The following CSNK1G3 variants were observed in gnomAD, a reference collection of about 807,000 sequenced individuals.
The protein encoded by CSNK1G3 is casein kinase 1 gamma 3.
Under a neutral mutation model 64.3 loss-of-function variants are expected in CSNK1G3, and 23 were observed. The ratio of observed to expected loss-of-function variants is 0.36; its 90% CI spans 0.26 to 0.51. The LOEUF is 0.51. CSNK1G3 is among the 20% of genes least tolerant of loss of function. The pLI, the probability that CSNK1G3 is intolerant of heterozygous loss-of-function variation, is 0.96. For synonymous variants in CSNK1G3, 158 were observed against 162.2 expected (o/e 0.97, Z 0.20); for missense variants, 357 against 510.5 (o/e 0.70, Z 2.90).
At chr5:123,557,816 T>C (rs886557745) in intron 4 of CSNK1G3, among the ~76,000 whole-genome samples, 3 of 152,160 alleles carry the variant, frequency 2.0e-5, no homozygotes, top group Non-Finnish European at 4.4e-5. Context: ...GCATACTTCT[T>C]CCATATTCTT....
At chr5:123,588,937 T>G (rs1238528944) in intron 8 of CSNK1G3, among the ~76,000 whole-genome samples, 1 of 152,198 alleles carries the variant, frequency 6.6e-6, no homozygotes, top group Non-Finnish European at 1.5e-5. Flanking sequence ...AAAACCTTAC[T>G]GACCTCACTA....
At chr5:123,518,755 A>T (rs750094226) in intron 1 of CSNK1G3, among the ~76,000 whole-genome samples, 12 of 152,136 alleles carry the variant, frequency 7.9e-5, no homozygotes, top group Non-Finnish European at 1.5e-4. Context: ...TCTGAGTTAG[A>T]TGGAAGAGGG....
chr5:123,592,827 A>G (rs1792641705), intron 10 of CSNK1G3, among the ~76,000 whole-genome samples: 1 of 151,888 alleles, frequency 6.6e-6, no homozygotes, highest in Non-Finnish European at 1.5e-5. Context: ...AGCATCTCAT[A>G]CATAAATTAC....
rs968725588 is a variant in CSNK1G3 at position 123,587,980 on chromosome 5, A to G, written c.674-88A>G. 4.9e-6 allele frequency: 4 copies of G among 823,526 alleles called. No homozygotes were observed. In the African/African-American group the frequency reaches 5.5e-5, roughly 11 times the overall value. 51.0% of individuals were successfully genotyped at this position (823,526 alleles called of 1,614,324 possible). ...TTATATGTTGAACTTTTGGAAATTA[A>G]TTTATACATAATGAAAGAACAAACT... On this transcript the variant is annotated intron_variant, in intron 6 of 12. Coordinates refer to ENST00000345990, the Ensembl canonical transcript of CSNK1G3.
chr5:123,607,901 A>G (rs909256132), intron 12 of CSNK1G3, among the ~76,000 whole-genome samples: 7 of 152,172 alleles, frequency 4.6e-5, no homozygotes, highest in African/African-American at 1.7e-4. Context: ...TGACATTTCT[A>G]CACGTTTGTT....
At chr5:123,591,436 A>C (rs1321520968) in intron 10 of CSNK1G3, 22 bp downstream of exon 10, 2 of 1,500,628 alleles carry the variant, frequency 1.3e-6, no homozygotes, top group Admixed American at 1.8e-5. Context: ...TTTAGATATG[A>C]AATACCTTCC....
chr5:123,598,933 A>G (rs570094944), intron 10 of CSNK1G3, among the ~76,000 whole-genome samples: 2 of 152,190 alleles, frequency 1.3e-5, no homozygotes, highest in South Asian at 4.1e-4. Flanking sequence ...GAAAAGAATT[A>G]GAAGGTAGAG....
rs532800811 is a variant in CSNK1G3, at chr5:123,523,036, G to A, written c.-248+10466G>A. Among the ~76,000 whole-genome samples, 66 of 152,160 alleles carry A rather than the reference G, an allele frequency of 4.3e-4. 1 individual carries two copies. The highest frequency in any genetic ancestry group is 4.1e-3 in the Admixed American group (63 of 15,294). ...GGGGAAGAAGTGTTACTAATAAAAAGTTATTCATTTTAGGTTATATTTATC... is the reference window on the plus strand; with the variant it reads ...GGGGAAGAAGTGTTACTAATAAAAAATTATTCATTTTAGGTTATATTTATC... On this transcript the variant is annotated intron_variant, in intron 1 of 12. Coordinates refer to ENST00000345990, the Ensembl canonical transcript of CSNK1G3.
chr5:123,587,386 T>C (rs182724643), intron 6 of CSNK1G3, among the ~76,000 whole-genome samples: 32 of 151,752 alleles, frequency 2.1e-4, no homozygotes, highest in African/African-American at 7.5e-4. Flanking sequence ...AAAATTGAAA[T>C]ATCATTCAGT....
At chr5:123,530,010 A>G (rs1779674376) in intron 1 of CSNK1G3, among the ~76,000 whole-genome samples, 2 of 151,296 alleles carry the variant, frequency 1.3e-5, no homozygotes, top group Non-Finnish European at 2.9e-5. Flanking sequence ...AGTGGCATGC[A>G]CCTGTAGTCC....
rs776967678 is a variant in CSNK1G3 at position 123,545,850 on chromosome 5, A to G, written c.178+9A>G. 1.2e-6 allele frequency: 2 copies of G among 1,601,894 alleles called. No homozygotes were observed. Among genetic ancestry groups the G allele is most frequent in the South Asian group, 1.1e-5 (1 of 90,668 alleles). Reference sequence around the variant, plus strand: ...TGGAGAATTACGATTAGGTAAGACTATTTTGTTTATTCCATTATGTTAGAA... The same window carrying G: ...TGGAGAATTACGATTAGGTAAGACTGTTTTGTTTATTCCATTATGTTAGAA... On this transcript the variant is annotated intron_variant, in intron 2 of 12. Coordinates refer to ENST00000345990, the Ensembl canonical transcript of CSNK1G3.
chr5:123,613,343 C>G (rs1748819231), intron 12 of CSNK1G3, among the ~76,000 whole-genome samples: 1 of 151,814 alleles, frequency 6.6e-6, no homozygotes, highest in South Asian at 2.1e-4. Context: ...AATCATAGAT[C>G]AAACATTCCT....
exon 1 of CSNK1G3, chr5:123,512,322 A>T (rs1470778625): frequency 1.3e-5 from 2 of 153,130 alleles, no homozygotes; most frequent in African/African-American, 4.8e-5. Flanking sequence ...CTCTCCGGCC[A>T]GCGGCGGCGG....
intron 2 of CSNK1G3, among the ~76,000 whole-genome samples, chr5:123,552,008 T>G (rs1041571199): frequency 6.6e-6 from 1 of 152,218 alleles, no homozygotes; most frequent in Non-Finnish European, 1.5e-5. Flanking sequence ...AATTGGAATT[T>G]TCTAGATTAT....
intron 6 of CSNK1G3, among the ~76,000 whole-genome samples, chr5:123,581,830 A>G (rs1320354167): frequency 1.3e-5 from 2 of 151,988 alleles, no homozygotes; most frequent in Non-Finnish European, 2.9e-5. Flanking sequence ...TAAGAAGGAA[A>G]TATAGTGAAC....
At chr5:123,603,981 G>A (rs910058054) in intron 10 of CSNK1G3, among the ~76,000 whole-genome samples, 1 of 152,106 alleles carries the variant, frequency 6.6e-6, no homozygotes, top group African/African-American at 2.4e-5. Context: ...CTTAAAAGGA[G>A]CACCCTGATT....
At chr5:123,539,827 A>T (rs1297481407) in intron 1 of CSNK1G3, among the ~76,000 whole-genome samples, 1 of 152,152 alleles carries the variant, frequency 6.6e-6, no homozygotes, top group African/African-American at 2.4e-5. Flanking sequence ...TTTTAAAAAT[A>T]GATATGGAAC....
rs138046972 is a variant in CSNK1G3, at chr5:123,539,083, C to T, written c.-247-6334C>T. Among the ~76,000 whole-genome samples the T allele has an allele frequency of 6.9e-4, 105 of 152,278 alleles. 1 individual carries two copies. Among genetic ancestry groups the T allele is most frequent in the African/African-American group, 2.5e-3 (104 of 41,566 alleles). On this transcript the variant is annotated intron_variant, in intron 1 of 12. Transcript: ENST00000345990. ...GCCTGGCCTCAAGCAATCCTCCAGGCTTTGCCTTCCAAAGTACTGGAGTTA... is the reference window on the plus strand; with the variant it reads ...GCCTGGCCTCAAGCAATCCTCCAGGTTTTGCCTTCCAAAGTACTGGAGTTA...
chr5:123,564,014 A>T (rs1275738673), intron 4 of CSNK1G3, among the ~76,000 whole-genome samples: 1 of 152,066 alleles, frequency 6.6e-6, no homozygotes, highest in Non-Finnish European at 1.5e-5. Flanking sequence ...GTTTTTAAAA[A>T]TATGTAATAC....
Sources: allele counts gnomAD v4.1 joint callset (sites outside exome capture counted in the v4.1 genomes callset), GRCh38; gene constraint gnomAD v4.1.1; transcripts MANE v1.5; gene names NCBI Gene and HGNC (gene_info 2026-07-23, HGNC 2026-07-21).